The following KDM3B variants were observed in gnomAD, a reference collection of about 807,000 sequenced individuals.
KDM3B encodes lysine demethylase 3B.
A neutral mutation model predicts 170.0 loss-of-function variants in KDM3B; 10 were observed. That is an observed-to-expected ratio of 0.06 (90% confidence interval 0.04 to 0.10). The LOEUF (loss-of-function observed/expected upper bound fraction) is 0.10, where lower values mean the gene tolerates loss of function less well. Among genes scored for constraint, KDM3B ranks in the 10% least tolerant of loss-of-function variants. The probability of loss-of-function intolerance (pLI) is 1.00; values close to 1 mark genes in which losing one functional copy is unlikely to be tolerated. For missense variants in KDM3B, 1,394 were observed against 2,195.2 expected (o/e 0.64, Z 7.29); for synonymous variants, 831 against 834.8 (o/e 1.00, Z 0.08).
chr5:138,363,057 C>A (rs1478108150), intron 1 of KDM3B, among the ~76,000 whole-genome samples: 1 of 151,758 alleles, frequency 6.6e-6, no homozygotes, highest in African/African-American at 2.4e-5. Flanking sequence ...TATTATTTTT[C>A]TTTCCTTAAA....
chr5:138,432,771 T>C (rs1763566994), intron 23 of KDM3B, among the ~76,000 whole-genome samples: 1 of 152,178 alleles, frequency 6.6e-6, no homozygotes, highest in Non-Finnish European at 1.5e-5. Flanking sequence ...TGGTTGTTGA[T>C]AGATCAGATT....
intron 1 of KDM3B, among the ~76,000 whole-genome samples, chr5:138,354,562 A>G (rs980109058): frequency 1.3e-5 from 2 of 152,148 alleles, no homozygotes; most frequent in Non-Finnish European, 2.9e-5. Context: ...ATGAATTGCT[A>G]ATGAGCTCTG....
rs755880710 is a variant in KDM3B, at chr5:138,391,668, C to A, written c.2036C>A (p.Ser679Tyr). 2.5e-6 allele frequency: 4 copies of A among 1,614,120 alleles called. No individual in the cohort carries two copies. In the Admixed American group the frequency reaches 6.7e-5, roughly 27 times the overall value. Residue 679 changes from serine to tyrosine, a missense_variant, in exon 8 of 24, where the codon TCC (serine) becomes TAC (tyrosine). Ser to Tyr is a moderately radical substitution (Grantham distance 144, BLOSUM62 -2). Around this residue, in one of 19 missense-constraint regions of KDM3B, gnomAD observed 294 missense variants for 311.7 expected, o/e 0.94. Coordinates refer to ENST00000314358, the MANE Select transcript of KDM3B (RefSeq NM_016604.4). This position sits in a 1 kb window ranked among gnomAD's most constrained non-coding sequence, Gnocchi z 5.0. ...KVAPSWPESH[S>Y]SADSASLAKK... ...GCACCCAGCTGGCCCGAGTCTCACT[C>A]CTCTGCAGATTCGGCATCTTTAGCA...
In KDM3B at chr5:138,425,537, G is replaced by T. The variant is rs745528581; in HGVS notation, c.4366G>T (p.Asp1456Tyr). The change falls in exon 17 of 24, where the codon GAT becomes TAT. Residue 1456 changes from aspartate to tyrosine, a missense_variant. This residue lies in a region of KDM3B where 66 missense variants were observed against 178.8 expected (regional missense o/e 0.37). Coordinates refer to ENST00000314358, the MANE Select transcript of KDM3B (RefSeq NM_016604.4). ...VNCRNCAIIS[D>Y]VKVRDFWDGF... The stretch of plus-strand genomic sequence containing the variant: ...CTGCAGGAACTGTGCTATAATTTCC[G>T]ATGTGAAAGTTCGGGATTTCTGGGA... 3.1e-6 allele frequency: 5 copies of T among 1,613,962 alleles called. No individual in the cohort carries two copies.
At chr5:138,397,875 A>T (rs188046843) in intron 9 of KDM3B, 94 of 193,890 alleles carry the variant, frequency 4.8e-4, no homozygotes, top group African/African-American at 2.1e-3. Context: ...AAAAAAAAAA[A>T]ATTGGAAAGT....
Position 138,375,733 on chromosome 5 carries a change from A to G in KDM3B, c.474+527A>G, listed in dbSNP as rs760314857. Reference sequence around the variant, plus strand: ...CTCTTGTTGCCCAGGCTGGAGTGCAATGGTGTGATCTTGGCTCACTGAAAC... The same window carrying G: ...CTCTTGTTGCCCAGGCTGGAGTGCAGTGGTGTGATCTTGGCTCACTGAAAC... On this transcript the variant is annotated intron_variant, in intron 3 of 23. Coordinates refer to ENST00000314358, the MANE Select transcript of KDM3B (RefSeq NM_016604.4). Among the ~76,000 whole-genome samples the G allele has an allele frequency of 2.5e-4, 37 of 148,542 alleles. No individual in the cohort carries two copies. In the Middle Eastern group the frequency reaches 0.011, roughly 44 times the overall value.
intron 11 of KDM3B, 117 bp downstream of exon 11, chr5:138,400,129 T>A: frequency 1.0e-6 from 1 of 962,326 alleles, no homozygotes; most frequent in Non-Finnish European, 1.5e-6. Context: ...CTGCTTGGCT[T>A]CATTCAACTT....
chr5:138,383,979 A>G (rs1762190238), intron 6 of KDM3B, among the ~76,000 whole-genome samples: 1 of 151,644 alleles, frequency 6.6e-6, no homozygotes, highest in African/African-American at 2.4e-5. Context: ...AATCAAGGCC[A>G]GGCGCGGTGG....
chr5:138,403,348 A>G (rs1762735830), intron 11 of KDM3B, among the ~76,000 whole-genome samples: 1 of 152,186 alleles, frequency 6.6e-6, no homozygotes, highest in African/African-American at 2.4e-5. Context: ...ATCAATCAAT[A>G]GGAAAAAACC....
intron 9 of KDM3B, among the ~76,000 whole-genome samples, chr5:138,394,230 C>T (rs1383574664): frequency 1.3e-5 from 2 of 152,104 alleles, no homozygotes; most frequent in East Asian, 1.9e-4. Flanking sequence ...AAAAATTAGC[C>T]GAGTGTGGTG....
chr5:138,379,459 A>T, intron 4 of KDM3B, 125 bp from the exon 5 acceptor site: 2 of 776,420 alleles, frequency 2.6e-6, no homozygotes, highest in Non-Finnish European at 3.9e-6. Flanking sequence ...TCATTTGTTC[A>T]GTTCTATAAA....
At chr5:138,377,237 G>A (rs1373942970) in intron 3 of KDM3B, among the ~76,000 whole-genome samples, 1 of 152,176 alleles carries the variant, frequency 6.6e-6, no homozygotes, top group East Asian at 1.9e-4. Context: ...AAAGATTTGC[G>A]AGGAATACAA....
chr5:138,392,225 G>T lies in KDM3B; in HGVS notation c.2593G>T (p.Ala865Ser). The T allele has an allele frequency of 6.7e-7, 1 of 1,503,234 alleles. No individual in the cohort carries two copies. The highest frequency in any genetic ancestry group is 8.9e-7 in the Non-Finnish European group (1 of 1,124,834). 93.1% of individuals were successfully genotyped at this position (1,503,234 alleles called of 1,614,324 possible). The change falls in exon 8 of 24, where the codon GCC (alanine) becomes TCC (serine). Residue 865 changes from alanine (A) to serine (S), a missense_variant. By Grantham distance (99) the Ala-to-Ser change is moderately conservative (BLOSUM62 1). This residue lies in a region of KDM3B where 84 missense variants were observed against 135.8 expected (regional missense o/e 0.62). Transcript: ENST00000314358. ...GCTGGGCAAAAGCAAAGGGAAGCAG[G>T]CCCCCAAGGGCCGGCCTCGGACTGC... ...LLLGKSKGKQ[A>S]PKGRPRTAPL...
At chr5:138,403,677 C>CAAAAAAA (rs35608823) in intron 11 of KDM3B, among the ~76,000 whole-genome samples, 1 of 132,240 alleles carries the variant, frequency 7.6e-6, no homozygotes. Flanking sequence ...AACTCTGTCT[C>CAAAAAAA]AAAAAAAAAA....
chr5:138,423,436 C>T (rs1017439880), intron 15 of KDM3B, among the ~76,000 whole-genome samples: 4 of 152,124 alleles, frequency 2.6e-5, no homozygotes, highest in African/African-American at 9.7e-5. Flanking sequence ...GCTTCCCTAC[C>T]TTCAGTTCTG....
intron 11 of KDM3B, 65 bp from the exon 12 acceptor site, chr5:138,415,067 C>G (rs1014653636): frequency 1.8e-6 from 2 of 1,126,922 alleles, no homozygotes; most frequent in African/African-American, 3.1e-5. Flanking sequence ...TTCTGAAACT[C>G]CATTCACTGA....
rs1158498709 is a variant in KDM3B at position 138,377,732 on chromosome 5, A to G, written c.487A>G (p.Ser163Gly). 6.2e-7 allele frequency: 1 copy of G among 1,612,834 alleles called. No homozygotes were observed. The highest frequency in any genetic ancestry group is 1.1e-5 in the South Asian group (1 of 91,030). Reference protein sequence around the residue: ...GLHLFQMGTDSQNQILLEHAA... With the variant: ...GLHLFQMGTDGQNQILLEHAA... ...TTATCTTTACCAGATGGGAACAGAT[A>G]GCCAAAACCAGATTCTTTTGGAACA... Residue 163 changes from serine to glycine, a missense_variant, in exon 4 of 24, where the codon AGC becomes GGC. This residue lies in a region of KDM3B where 166 missense variants were observed against 216.4 expected (regional missense o/e 0.77). Coordinates refer to ENST00000314358, the MANE Select transcript of KDM3B (RefSeq NM_016604.4).
intron 1 of KDM3B, among the ~76,000 whole-genome samples, chr5:138,357,691 T>C (rs1309257706): frequency 2.0e-5 from 3 of 151,986 alleles, no homozygotes; most frequent in African/African-American, 7.2e-5. Flanking sequence ...CTTTAGATTT[T>C]TGGTACATCT....
At position 138,430,550 on chromosome 5, in the gene KDM3B, T is replaced by C. The variant is rs548170549; in HGVS notation, c.5070+125T>C. 116 of 854,366 alleles carry C rather than the reference T, an allele frequency of 1.4e-4. No individual in the cohort carries two copies. The African/African-American group carries it at 1.7e-3, about 12-fold the overall frequency. The allele number at this position is 854,366 out of a possible 1,614,324, so 52.9% of individuals were successfully genotyped here. ...CTGATCTCTCTTATGCTGCAACTTA[T>C]TTTATGCTTTTATTTTCTTCCTTGT... On this transcript the variant is annotated intron_variant, in intron 22 of 23. Transcript: ENST00000314358.
Sources: allele counts gnomAD v4.1 joint callset (sites outside exome capture counted in the v4.1 genomes callset), GRCh38; gene constraint gnomAD v4.1.1; regional missense constraint gnomAD v4.1.1; non-coding constraint Gnocchi (gnomAD v3.1); transcripts MANE v1.5; gene names NCBI Gene and HGNC (gene_info 2026-07-23, HGNC 2026-07-21).